The following PPP1CC variants were observed in gnomAD, a reference collection of about 807,000 sequenced individuals.
PPP1CC encodes the protein protein phosphatase 1 catalytic subunit gamma.
Under a neutral mutation model 38.4 loss-of-function variants are expected in PPP1CC, and 16 were observed. That is an observed-to-expected ratio of 0.42 (90% CI 0.28 to 0.63). The LOEUF is 0.63. PPP1CC is among the 30% of genes least tolerant of loss of function. PPP1CC has a pLI of 0.25. For synonymous variants in PPP1CC, 158 were observed against 136.0 expected (o/e 1.16, Z -1.13); for missense variants, 170 against 391.3 (o/e 0.43, Z 4.77).
chr12:110,720,323 T>C lies in PPP1CC; in HGVS notation c.*753A>G. On this transcript the variant is annotated 3_prime_UTR_variant, in exon 7 of 7. Coordinates refer to ENST00000335007, the MANE Select transcript of PPP1CC (RefSeq NM_002710.4). ...TAATTGCTATTCAAAATCAAAAACC[T>C]GTTTTTGAATCCCCAAGAAGGCAGC... 1.2e-6 allele frequency: 1 copy of C among 836,224 alleles called. No individual in the cohort carries two copies. Among genetic ancestry groups the C allele is most frequent in the Non-Finnish European group, 1.9e-6 (1 of 535,464 alleles). The allele number at this position is 836,224 out of a possible 1,614,324, so 51.8% of individuals were successfully genotyped here. A position where few individuals can be genotyped will look rare whatever the true frequency, so the allele number is the denominator to read the frequency against.
chr12:110,730,129 C>A (rs958729216), intron 3 of PPP1CC, among the ~76,000 whole-genome samples: 1 of 152,340 alleles, frequency 6.6e-6, no homozygotes, highest in East Asian at 1.9e-4. Context: ...GTGGCCTAGG[C>A]GGGCAGATTC....
intron 6 of PPP1CC, chr12:110,721,850 A>G (rs770191710): frequency 2.2e-6 from 1 of 447,586 alleles, no homozygotes; most frequent in Non-Finnish European, 3.9e-6. Context: ...TGAACATTAC[A>G]TTGTCATTAA....
At chr12:110,741,709 G>A (rs2070018879) in intron 1 of PPP1CC, among the ~76,000 whole-genome samples, 1 of 152,114 alleles carries the variant, frequency 6.6e-6, no homozygotes, top group Non-Finnish European at 1.5e-5. Context: ...TCTAGCTCCC[G>A]GCTATGTGGA....
In PPP1CC at chr12:110,720,455, G is replaced by C. The variant is rs2069725471; in HGVS notation, c.*621C>G. The C allele has an allele frequency of 4.5e-6, 2 of 444,166 alleles. No individual in the cohort carries two copies. Among genetic ancestry groups the C allele is most frequent in the South Asian group, 3.4e-5 (1 of 29,210 alleles). The allele number at this position is 444,166 out of a possible 1,614,324, so 27.5% of individuals were successfully genotyped here. ...CACAAATATTTAAAAGAATGGCTTT[G>C]TCATTTTAAGTATACGGTCGGGGAA... On this transcript the variant is annotated 3_prime_UTR_variant, in exon 7 of 7. Transcript: ENST00000335007.
chr12:110,728,488 C>T (rs528466657), intron 3 of PPP1CC, among the ~76,000 whole-genome samples: 1 of 151,924 alleles, frequency 6.6e-6, no homozygotes, highest in South Asian at 2.1e-4. Context: ...TGTGGTGGCT[C>T]ATGACTGTAA....
At chr12:110,723,121 C>T (rs2069758539) in intron 4 of PPP1CC, among the ~76,000 whole-genome samples, 1 of 152,196 alleles carries the variant, frequency 6.6e-6, no homozygotes, top group South Asian at 2.1e-4. Flanking sequence ...TGTTCACAGA[C>T]CATTAAAATC....
chr12:110,737,432 C>T (rs375330728), intron 1 of PPP1CC, among the ~76,000 whole-genome samples: 203 of 133,452 alleles, frequency 1.5e-3, no homozygotes, highest in African/African-American at 5.6e-3. Flanking sequence ...AGCAGTGGGC[C>T]GAGATCCTGC....
chr12:110,718,344 T>C (rs2069703636), downstream of PPP1CC, among the ~76,000 whole-genome samples: 1 of 152,196 alleles, frequency 6.6e-6, no homozygotes, highest in Admixed American at 6.6e-5. Context: ...GGTGCTGTCA[T>C]CTTGTGACCC....
chr12:110,723,516 T>C (rs1236254126), intron 4 of PPP1CC, among the ~76,000 whole-genome samples: 4 of 152,144 alleles, frequency 2.6e-5, no homozygotes, highest in Non-Finnish European at 4.4e-5. Context: ...CATATATATG[T>C]ATATATTTTC....
At position 110,720,982 on chromosome 12, in the gene PPP1CC, T is replaced by C. The variant is rs2069732179; in HGVS notation, c.*94A>G. 11 of 1,100,366 alleles carry C rather than the reference T, an allele frequency of 1.0e-5. No individual in the cohort carries two copies. The East Asian group carries it at 2.5e-4, about 25-fold the overall frequency. The allele number at this position is 1,100,366 out of a possible 1,614,324, so 68.2% of individuals were successfully genotyped here. A position where few individuals can be genotyped will look rare whatever the true frequency, so the allele number is the denominator to read the frequency against. On this transcript the variant is annotated 3_prime_UTR_variant, in exon 7 of 7. Transcript: ENST00000335007. ...AAGGGCCCCCACAAACACAGATCTA[T>C]CTGAGCAAGCTGACCAGTACACATT...
intron 3 of PPP1CC, chr12:110,725,127 T>G (rs2069781953): frequency 6.5e-6 from 1 of 153,326 alleles, no homozygotes; most frequent in South Asian, 2.0e-4. Context: ...AGCAATGACT[T>G]ACATTTTCAC....
At chr12:110,718,578 G>A (rs1042854680), downstream of PPP1CC, among the ~76,000 whole-genome samples, 3 of 152,156 alleles carry the variant, frequency 2.0e-5, no homozygotes, top group Non-Finnish European at 4.4e-5. Flanking sequence ...TCAGCCAACC[G>A]AGATGTGCAA....
rs539794640 is a variant in PPP1CC, at chr12:110,742,838, C to G, written c.-131G>C. 108 of 585,420 alleles carry G rather than the reference C, an allele frequency of 1.8e-4. No individual in the cohort carries two copies. The highest frequency in any genetic ancestry group is 8.7e-4 in the East Asian group (25 of 28,716). 36.3% of individuals were successfully genotyped at this position (585,420 alleles called of 1,614,324 possible). ...GGCAGCAGCCGCGGCGGGTCCCCCC[C>G]CTGCCACCCCGCTCCCTACTTCCTC... On this transcript the variant is annotated 5_prime_UTR_variant, in exon 1 of 7. Transcript: ENST00000335007.
intron 4 of PPP1CC, among the ~76,000 whole-genome samples, chr12:110,723,395 T>C (rs1319364222): frequency 2.6e-5 from 4 of 152,284 alleles, no homozygotes; most frequent in African/African-American, 7.2e-5. Context: ...TGCAGGCTTT[T>C]TGATGGCTGA....
At chr12:110,713,070 T>C in the PPP1CC span, among the ~76,000 whole-genome samples, 1 of 151,286 alleles carries the variant, frequency 6.6e-6, no homozygotes, top group Non-Finnish European at 1.5e-5. Flanking sequence ...CGAAACTCCA[T>C]CTCAAAAAAA....
At chr12:110,740,724 T>C (rs1275817766) in intron 1 of PPP1CC, among the ~76,000 whole-genome samples, 2 of 152,216 alleles carry the variant, frequency 1.3e-5, no homozygotes, top group Non-Finnish European at 2.9e-5. Flanking sequence ...TTTAGATGTA[T>C]CATTACTTAC....
intron 1 of PPP1CC, among the ~76,000 whole-genome samples, chr12:110,738,062 T>C (rs2136566873): frequency 6.6e-6 from 1 of 152,322 alleles, no homozygotes; most frequent in South Asian, 2.1e-4. Flanking sequence ...ATTTTCACAG[T>C]CTAAGAACAC....
At chr12:110,732,387 C>A in intron 1 of PPP1CC, 1 of 161,422 alleles carries the variant, frequency 6.2e-6, no homozygotes, top group Admixed American at 6.5e-5. Flanking sequence ...CACAGCGAGA[C>A]TCCGTCTCAA....
chr12:110,714,762 T>G (rs112514276), downstream of PPP1CC, among the ~76,000 whole-genome samples: 204 of 123,750 alleles, frequency 1.6e-3, 1 homozygote, highest in Middle Eastern at 7.4e-3. Flanking sequence ...GCCGAGATGG[T>G]ACTACTGCAC....
Sources: allele counts gnomAD v4.1 joint callset (sites outside exome capture counted in the v4.1 genomes callset), GRCh38; gene constraint gnomAD v4.1.1; transcripts MANE v1.5; gene names NCBI Gene and HGNC (gene_info 2026-07-23, HGNC 2026-07-21).